DST: variants seen among roughly 807,000 people sequenced by gnomAD.
The protein encoded by DST is bullous pemphigoid antigen.
In DST, 253 loss-of-function variants were observed where a neutral mutation model predicts 875.2. The observed-to-expected ratio is 0.29, with a 90% CI of 0.26 to 0.32. The LOEUF is 0.32. DST is among the 10% of genes least tolerant of loss of function. The pLI is 1.00. For synonymous variants in DST, 3,124 were observed against 3,197.1 expected (o/e 0.98, Z 0.77); for missense variants, 8,287 against 9,111.6 (o/e 0.91, Z 3.68).
intron 5 of DST, among the ~76,000 whole-genome samples, chr6:56,715,100 C>T (rs2099390296): frequency 6.6e-6 from 1 of 152,202 alleles, no homozygotes; most frequent in Non-Finnish European, 1.5e-5. Context: ...TAGTCACCTA[C>T]ACTTTGCATT....
chr6:56,789,640 T>C (rs887817974), intron 4 of DST, among the ~76,000 whole-genome samples: 2 of 152,202 alleles, frequency 1.3e-5, no homozygotes, highest in Non-Finnish European at 2.9e-5. Flanking sequence ...ACTACCACTT[T>C]AACTTTCTGC....
At chr6:56,592,079 T>A (rs2098285700) in intron 49 of DST, 103 bp downstream of exon 49, 1 of 1,026,186 alleles carries the variant, frequency 9.7e-7, no homozygotes, top group Non-Finnish European at 1.4e-6. Flanking sequence ...ACTTTTCACA[T>A]CATTTGTTCC....
chr6:56,729,174 C>A (rs572418341), intron 5 of DST, among the ~76,000 whole-genome samples: 201 of 152,242 alleles, frequency 1.3e-3, no homozygotes, highest in African/African-American at 4.5e-3. Flanking sequence ...AGTTTAGGAA[C>A]TACTAACATA....
rs1298127953 is a variant in DST, at chr6:56,552,309, C to T, written c.16483G>A (p.Glu5495Lys). ...EQVEGTIKRLEEFYSKLKEFS... is the reference protein window; with the variant it reads ...EQVEGTIKRLKEFYSKLKEFS... Reference sequence around the variant, plus strand: ...TCTTTCAATTTGCTGTAAAATTCTTCAAGGCGCTTAATTGTCCCTTCAACC... The same window carrying T: ...TCTTTCAATTTGCTGTAAAATTCTTTAAGGCGCTTAATTGTCCCTTCAACC... The change falls in exon 61 of 104, where the codon GAA becomes AAA. Residue 5495 changes from glutamate to lysine, a missense_variant. By Grantham distance (56) the Glu-to-Lys change is moderately conservative. Transcript: ENST00000680361. 2 of 1,613,986 alleles carry T rather than the reference C, an allele frequency of 1.2e-6. No homozygotes were observed. The highest frequency in any genetic ancestry group is 1.7e-5 in the Admixed American group (1 of 60,016).
chr6:56,535,172 G>T lies in DST; in HGVS notation c.16891C>A (p.Pro5631Thr). 6.2e-7 allele frequency: 1 copy of T among 1,613,718 alleles called. No individual in the cohort carries two copies. Among genetic ancestry groups the T allele is most frequent in the South Asian group, 1.1e-5 (1 of 91,008 alleles). The change falls in exon 63 of 104, where the codon CCC (proline) becomes ACC (threonine). Residue 5631 changes from proline (P) to threonine (T), a missense_variant. By Grantham distance (38) the Pro-to-Thr change is conservative (BLOSUM62 -1). Coordinates refer to ENST00000680361, the MANE Select transcript of DST (RefSeq NM_001374736.1). The stretch of plus-strand genomic sequence containing the variant: ...ACCACTTTGAACTCAGCCGACGGGG[G>T]CTTCTGATTGGCCACAAGCTCCTCA... ...DTEELVANQK[P>T]PSAEFKVVKA...
chr6:56,846,754 A>C (rs1372688367), intron 4 of DST, among the ~76,000 whole-genome samples: 2 of 152,192 alleles, frequency 1.3e-5, no homozygotes, highest in Non-Finnish European at 2.9e-5. Context: ...CTGTAATACT[A>C]GTACTTTGGG....
At chr6:56,799,297 G>A (rs1052553009) in intron 4 of DST, among the ~76,000 whole-genome samples, 6 of 151,928 alleles carry the variant, frequency 3.9e-5, no homozygotes, top group African/African-American at 1.5e-4. Flanking sequence ...CTGGGTGGTA[G>A]TGAACTATGA....
intron 57 of DST, among the ~76,000 whole-genome samples, chr6:56,560,631 G>A (rs954209025): frequency 3.3e-5 from 5 of 151,994 alleles, no homozygotes; most frequent in African/African-American, 1.2e-4. Flanking sequence ...TCCCCACAGA[G>A]GAACACTATG....
intron 2 of DST, among the ~76,000 whole-genome samples, chr6:56,901,269 A>T (rs532575961): frequency 6.6e-6 from 1 of 152,260 alleles, no homozygotes; most frequent in Non-Finnish European, 1.5e-5. Flanking sequence ...CATTCCACTC[A>T]CAGGGCTTTT....
At chr6:56,519,083 A>G (rs967897951) in intron 69 of DST, among the ~76,000 whole-genome samples, 1 of 152,134 alleles carries the variant, frequency 6.6e-6, no homozygotes, top group African/African-American at 2.4e-5. Flanking sequence ...CAGAACTACC[A>G]TGGACCTTGG....
intron 2 of DST, among the ~76,000 whole-genome samples, chr6:56,934,095 G>A (rs1348131076): frequency 6.6e-6 from 1 of 151,868 alleles, no homozygotes; most frequent in African/African-American, 2.4e-5. Context: ...ACAAACTCCT[G>A]GCTTCTAAAA....
rs1227849747 is a variant in DST, at chr6:56,742,318, T to C, written c.626-7029A>G. On this transcript the variant is annotated intron_variant, in intron 4 of 103. Coordinates refer to ENST00000680361, the MANE Select transcript of DST (RefSeq NM_001374736.1). ...CAGCTTTGCGTTCCAATCTTGATCA[T>C]TTTTCATGAGCTGCCCCATCATTCT... 13 of 1,289,666 alleles carry C rather than the reference T, an allele frequency of 1.0e-5. No homozygotes were observed. The Admixed American group carries it at 3.0e-4, about 30-fold the overall frequency. The allele number at this position is 1,289,666 out of a possible 1,614,324, so 79.9% of individuals were successfully genotyped here.
chr6:56,562,565 GT>G (rs977514880), intron 55 of DST, among the ~76,000 whole-genome samples: 21 of 149,494 alleles, frequency 1.4e-4, no homozygotes, highest in African/African-American at 3.9e-4. Flanking sequence ...TGGAGCTTTA[GT>G]TTTTTTTTAA....
chr6:56,930,109 A>G (rs1809368398), intron 2 of DST, among the ~76,000 whole-genome samples: 1 of 152,244 alleles, frequency 6.6e-6, no homozygotes, highest in African/African-American at 2.4e-5. Context: ...GTAATTGTGT[A>G]TGGGTAAGGA....
At chr6:56,684,149 A>G (rs1456426363) in intron 9 of DST, among the ~76,000 whole-genome samples, 2 of 152,170 alleles carry the variant, frequency 1.3e-5, no homozygotes, top group African/African-American at 4.8e-5. Flanking sequence ...CAACAGAAGC[A>G]CCCTATTTTT....
At chr6:56,830,918 C>G (rs935879532) in intron 4 of DST, among the ~76,000 whole-genome samples, 1 of 152,196 alleles carries the variant, frequency 6.6e-6, no homozygotes, top group Non-Finnish European at 1.5e-5. Context: ...CAATTACCTA[C>G]AGTATGGTGT....
rs1333252159 is a variant in DST at position 56,497,824 on chromosome 6, T to C, written c.20094+32A>G. 4 of 1,549,908 alleles carry C rather than the reference T, an allele frequency of 2.6e-6. No homozygotes were observed. The African/African-American group carries it at 4.1e-5, about 16-fold the overall frequency. On this transcript the variant is annotated intron_variant, in intron 81 of 103. Transcript: ENST00000680361. ...CATGCTATTTTGGTCTTGAATGCTA[T>C]AAAAACTTTCAGAATTTATTCTCTT... is the stretch of plus-strand genomic sequence containing the variant.
rs1436066700 is a variant in DST at position 56,494,141 on chromosome 6, T to C, written c.20263A>G (p.Lys6755Glu). Residue 6755 changes from lysine (K) to glutamate (E), a missense_variant, in exon 83 of 104, where the codon AAG (lysine) becomes GAG (glutamate). Transcript: ENST00000680361. ...AAFEAKEETY[K>E]SLMQKGQQML... Reference sequence around the variant, plus strand: ...TGCTGGCCTTTCTGCATCAGACTCTTATATGTTTCTTCTTTAGCTTCAAAG... The same window carrying C: ...TGCTGGCCTTTCTGCATCAGACTCTCATATGTTTCTTCTTTAGCTTCAAAG... 6.2e-7 allele frequency: 1 copy of C among 1,608,740 alleles called. No individual in the cohort carries two copies. Among genetic ancestry groups the C allele is most frequent in the South Asian group, 1.1e-5 (1 of 89,986 alleles).
intron 2 of DST, among the ~76,000 whole-genome samples, chr6:56,906,733 T>C (rs923688121): frequency 6.6e-6 from 1 of 152,134 alleles, no homozygotes; most frequent in Non-Finnish European, 1.5e-5. Flanking sequence ...TTTCTTTCTC[T>C]TTCTTTTGCC....
Sources: gnomAD v4.1 joint callset for allele counts (sites outside exome capture counted in the v4.1 genomes callset) on GRCh38, gnomAD v4.1.1 for gene constraint, MANE v1.5 for transcripts, NCBI Gene and HGNC (gene_info 2026-07-23, HGNC 2026-07-21) for gene names.